ZNF385B: variants seen among roughly 807,000 people sequenced by gnomAD.
The protein encoded by ZNF385B is zinc finger protein 385B.
In ZNF385B, 23 loss-of-function variants were observed where a neutral mutation model predicts 39.2. The observed-to-expected ratio is 0.59, with a 90% CI of 0.42 to 0.83. ZNF385B has a LOEUF of 0.83. Ranked by LOEUF, ZNF385B falls within the 40% of genes least tolerant of loss-of-function variation. The pLI is 0.00. For missense variants in ZNF385B, 552 were observed against 598.9 expected, an observed-to-expected ratio of 0.92 and a Z score of 0.82; for synonymous variants, 205 against 222.6, an observed-to-expected ratio of 0.92 and a Z score of 0.70.
chr2:179,556,627 A>C (rs2060923114), intron 3 of ZNF385B, among the ~76,000 whole-genome samples: 1 of 149,492 alleles, frequency 6.7e-6, no homozygotes, highest in Non-Finnish European at 1.5e-5. Flanking sequence ...GGGAGGTCAC[A>C]GCGCCTGATG....
chr2:179,583,539 T>C (rs1307504969), intron 3 of ZNF385B, among the ~76,000 whole-genome samples: 1 of 152,206 alleles, frequency 6.6e-6, no homozygotes, highest in African/African-American at 2.4e-5. Context: ...AGATTCTTGC[T>C]TAGGGTTATA....
intron 3 of ZNF385B, among the ~76,000 whole-genome samples, chr2:179,721,312 AT>A (rs1268583081): frequency 6.6e-6 from 1 of 152,202 alleles, no homozygotes; most frequent in Non-Finnish European, 1.5e-5. Context: ...TCTGAGGAAA[AT>A]ACAACTTAAC....
At chr2:179,752,167 G>C (rs1002125775) in intron 3 of ZNF385B, among the ~76,000 whole-genome samples, 4 of 151,910 alleles carry the variant, frequency 2.6e-5, no homozygotes, top group Non-Finnish European at 5.9e-5. Flanking sequence ...TCCCACCTAT[G>C]AGTGAGAACA....
At chr2:179,495,056 C>T (rs1372610474) in intron 5 of ZNF385B, among the ~76,000 whole-genome samples, 1 of 152,154 alleles carries the variant, frequency 6.6e-6, no homozygotes, top group African/African-American at 2.4e-5. Context: ...ACCACGTGTA[C>T]TCCTGGGGTC....
chr2:179,732,404 G>A (rs1488383450), intron 3 of ZNF385B, among the ~76,000 whole-genome samples: 2 of 152,094 alleles, frequency 1.3e-5, no homozygotes, highest in African/African-American at 4.8e-5. Flanking sequence ...TGTATGACTT[G>A]GTGAAAATCC....
chr2:179,490,084 A>G (rs2055046870), intron 5 of ZNF385B, among the ~76,000 whole-genome samples: 1 of 152,162 alleles, frequency 6.6e-6, no homozygotes, highest in Admixed American at 6.5e-5. Context: ...ATGACATTCT[A>G]TATTTATTGG....
chr2:179,630,323 G>A (rs1015308832), intron 3 of ZNF385B, among the ~76,000 whole-genome samples: 1 of 152,226 alleles, frequency 6.6e-6, no homozygotes, highest in Non-Finnish European at 1.5e-5. Flanking sequence ...CCAGAGGAAG[G>A]ATCAGGCAGC....
chr2:179,687,318 A>G (rs1697997268), intron 3 of ZNF385B, among the ~76,000 whole-genome samples: 1 of 151,882 alleles, frequency 6.6e-6, no homozygotes, highest in Admixed American at 6.6e-5. Context: ...ATAAACATCA[A>G]CTTGAGGAAT....
chr2:179,583,690 C>T (rs1208155113), intron 3 of ZNF385B, among the ~76,000 whole-genome samples: 4 of 152,136 alleles, frequency 2.6e-5, no homozygotes, highest in Non-Finnish European at 5.9e-5. Flanking sequence ...CATAGTTATA[C>T]CTCACTCAGC....
chr2:179,829,621 C>T (rs1707867550), intron 1 of ZNF385B, among the ~76,000 whole-genome samples: 1 of 152,104 alleles, frequency 6.6e-6, no homozygotes, highest in Non-Finnish European at 1.5e-5. Flanking sequence ...TCAGGCCACT[C>T]TCCTGCCTCA....
At chr2:179,719,476 G>A (rs540334190) in intron 3 of ZNF385B, among the ~76,000 whole-genome samples, 12 of 152,226 alleles carry the variant, frequency 7.9e-5, no homozygotes, top group African/African-American at 2.4e-4. Context: ...AGGCTATAAC[G>A]GCAGACGAAG....
chr2:179,848,508 G>A (rs1459641016), intron 1 of ZNF385B, among the ~76,000 whole-genome samples: 2 of 152,152 alleles, frequency 1.3e-5, no homozygotes, highest in Admixed American at 6.5e-5. Context: ...TTTATAAGGT[G>A]TCTATTTATT....
chr2:179,527,298 T>C (rs948543882), intron 4 of ZNF385B, among the ~76,000 whole-genome samples: 1 of 152,158 alleles, frequency 6.6e-6, no homozygotes, highest in African/African-American at 2.4e-5. Context: ...GAGTACAGAA[T>C]AGCATTTCAT....
At chr2:179,740,981 GA>G (rs1171720513) in intron 3 of ZNF385B, among the ~76,000 whole-genome samples, 1 of 152,122 alleles carries the variant, frequency 6.6e-6, no homozygotes, top group Non-Finnish European at 1.5e-5. Context: ...ACTGAAAAAT[GA>G]ACTAGATTAT....
intron 1 of ZNF385B, among the ~76,000 whole-genome samples, chr2:179,818,181 T>G (rs114019356): frequency 6.6e-6 from 1 of 152,188 alleles, no homozygotes; most frequent in Non-Finnish European, 1.5e-5. Context: ...TTTATTTCCC[T>G]GGATCCTATG....
chr2:179,557,556 CATGTTATATATGT>C (rs555875926), intron 3 of ZNF385B, among the ~76,000 whole-genome samples: 26 of 103,870 alleles, frequency 2.5e-4, no homozygotes, highest in African/African-American at 9.1e-4. Flanking sequence ...AACATATATA[CATGTTATATATGT>C]ATGTTATATA....
intron 3 of ZNF385B, among the ~76,000 whole-genome samples, chr2:179,753,837 G>A (rs975329474): frequency 6.6e-6 from 1 of 152,202 alleles, no homozygotes; most frequent in East Asian, 1.9e-4. Context: ...TTTGGGCTGA[G>A]ACGATGGGGT....
chr2:179,451,180 A>G lies in ZNF385B; in HGVS notation c.716-4410T>C, dbSNP rs544259469. Among the ~76,000 whole-genome samples, 6 of 151,780 alleles carry G rather than the reference A, an allele frequency of 4.0e-5. No individual in the cohort carries two copies. In the East Asian group the frequency reaches 1.2e-3, roughly 29 times the overall value. On this transcript the variant is annotated intron_variant, in intron 6 of 9. Transcript: ENST00000410066. ...ACGAGTTAGTGGGTTCAGCACACCA[A>G]CATGGCACATGTATACATATGTAAC...
intron 1 of ZNF385B, among the ~76,000 whole-genome samples, chr2:179,784,436 A>T (rs1704862752): frequency 6.6e-6 from 1 of 152,010 alleles, no homozygotes; most frequent in Non-Finnish European, 1.5e-5. Context: ...TACCTATGTA[A>T]CATACTTTCA....
Sources: allele counts gnomAD v4.1 joint callset (sites outside exome capture counted in the v4.1 genomes callset), GRCh38; gene constraint gnomAD v4.1.1; transcripts MANE v1.5; gene names NCBI Gene and HGNC (gene_info 2026-07-23, HGNC 2026-07-21).